The following PLXNA4 variants were observed in gnomAD, a reference collection of about 807,000 sequenced individuals.
PLXNA4 encodes plexin A4, also known as plexin-A4.
Under a neutral mutation model 191.8 loss-of-function variants are expected in PLXNA4, and 44 were observed. The ratio of observed to expected loss-of-function variants is 0.23; its 90% CI spans 0.18 to 0.29. The LOEUF (loss-of-function observed/expected upper bound fraction) is 0.29. Among genes scored for constraint, PLXNA4 ranks in the 10% least tolerant of loss-of-function variants. The pLI is 1.00. For missense variants in PLXNA4, 1,800 were observed against 2,488.8 expected, an observed-to-expected ratio of 0.72 and a Z score of 5.89; for synonymous variants, 1,082 against 1,009.5, an observed-to-expected ratio of 1.07 and a Z score of -1.36.
chr7:132,286,774 T>C (rs1464175075), intron 4 of PLXNA4, among the ~76,000 whole-genome samples: 1 of 152,106 alleles, frequency 6.6e-6, no homozygotes, highest in East Asian at 1.9e-4. Flanking sequence ...TTCCCTGGAG[T>C]GGAAGCAGAG....
chr7:132,490,116 G>A (rs1797729546), intron 2 of PLXNA4, among the ~76,000 whole-genome samples: 1 of 152,236 alleles, frequency 6.6e-6, no homozygotes, highest in Non-Finnish European at 1.5e-5. Flanking sequence ...ATGTGCCACA[G>A]CTGGTGCTTT....
rs370970966 is a variant in PLXNA4 at position 132,228,312 on chromosome 7, C to A, written c.1728+34G>T. The A allele has an allele frequency of 1.7e-5, 27 of 1,613,098 alleles. No homozygotes were observed. In the South Asian group the frequency reaches 2.5e-4, roughly 15 times the overall value. On this transcript the variant is annotated intron_variant, in intron 6 of 31. Coordinates refer to ENST00000321063, the MANE Select transcript of PLXNA4 (RefSeq NM_020911.2). ...AGTGAGGGGAGAGTTTTCCTTGCAT[C>A]CCTGGACCCCACCCCAACCCCCACG...
At chr7:132,269,158 T>G (rs1799966393) in intron 4 of PLXNA4, among the ~76,000 whole-genome samples, 1 of 152,170 alleles carries the variant, frequency 6.6e-6, no homozygotes, top group Admixed American at 6.5e-5. Context: ...CTCCTTCCCC[T>G]TCTTCCGTGT....
intron 1 of PLXNA4, among the ~76,000 whole-genome samples, chr7:132,562,832 CT>C (rs1801302114): frequency 1.3e-5 from 1 of 77,938 alleles, no homozygotes; most frequent in Non-Finnish European, 2.8e-5. Flanking sequence ...CCTCCTTCTC[CT>C]CCTCCTTCTC....
intron 3 of PLXNA4, among the ~76,000 whole-genome samples, chr7:132,333,650 C>T (rs1307878916): frequency 6.6e-6 from 1 of 152,154 alleles, no homozygotes; most frequent in African/African-American, 2.4e-5. Context: ...GTGCTTCTAC[C>T]AGAGGGCAGG....
chr7:132,551,165 G>T (rs1800543703), intron 1 of PLXNA4, among the ~76,000 whole-genome samples: 1 of 152,152 alleles, frequency 6.6e-6, no homozygotes, highest in Non-Finnish European at 1.5e-5. Flanking sequence ...GCCGAACTTG[G>T]AGACAGCGAG....
chr7:132,438,118 GT>G (rs1795547095), intron 3 of PLXNA4, among the ~76,000 whole-genome samples: 1 of 152,192 alleles, frequency 6.6e-6, no homozygotes, highest in Non-Finnish European at 1.5e-5. Flanking sequence ...ACTTACAGGT[GT>G]ATAAGCATGT....
chr7:132,517,410 C>T (rs1798984796), intron 1 of PLXNA4, among the ~76,000 whole-genome samples: 1 of 152,124 alleles, frequency 6.6e-6, no homozygotes. Context: ...GATGGTGGAG[C>T]CTCAAGATGA....
In PLXNA4 at chr7:132,518,189, T is replaced by G. The variant is rs115262678; in HGVS notation, c.-86-9410A>C. Among the ~76,000 whole-genome samples, 1,012 of 152,292 alleles carry G rather than the reference T, an allele frequency of 6.6e-3. 12 individuals are homozygous for G. The highest frequency in any genetic ancestry group is 0.023 in the African/African-American group (962 of 41,560). On this transcript the variant is annotated intron_variant, in intron 1 of 31. Transcript: ENST00000321063. ...GCTCCATTCGTCCCGGCCTTCACTG[T>G]CCCCTTGCCCCTTGTTGCTAGCTAT...
intron 2 of PLXNA4, among the ~76,000 whole-genome samples, chr7:132,637,044 G>C (rs2116886300): frequency 6.6e-6 from 1 of 152,268 alleles, no homozygotes; most frequent in East Asian, 1.9e-4. Flanking sequence ...AGAAATGCTT[G>C]GAATGACAAG....
chr7:132,469,929 T>C (rs1374359683), intron 3 of PLXNA4, among the ~76,000 whole-genome samples: 1 of 152,116 alleles, frequency 6.6e-6, no homozygotes, highest in Non-Finnish European at 1.5e-5. Flanking sequence ...TGACTCCCCT[T>C]TGGGAGAGAG....
In PLXNA4 at chr7:132,299,808, A is replaced by C. The variant is rs75505373; in HGVS notation, c.1372-1586T>G. 4.0e-3 allele frequency among the ~76,000 whole-genome samples: 616 copies of C among 152,308 alleles called. 16 individuals carry two copies. In the East Asian group the frequency reaches 0.071, roughly 18 times the overall value. ...ACTCTCTGCCACAGTGATTAAGAGA[A>C]AATAGGCTCAAGCCAATCAACGTGA... On this transcript the variant is annotated intron_variant, in intron 3 of 31. Coordinates refer to ENST00000321063, the MANE Select transcript of PLXNA4 (RefSeq NM_020911.2).
At chr7:132,408,118 T>G (rs1303392992) in intron 3 of PLXNA4, among the ~76,000 whole-genome samples, 1 of 152,064 alleles carries the variant, frequency 6.6e-6, no homozygotes, top group Admixed American at 6.6e-5. Context: ...AACTTAAATA[T>G]AAAACAGTAG....
intron 1 of PLXNA4, among the ~76,000 whole-genome samples, chr7:132,562,894 TTCTCCC>T: frequency 9.0e-6 from 1 of 111,712 alleles, no homozygotes; most frequent in Non-Finnish European, 1.8e-5. Context: ...CTCTGCCTCC[TTCTCCC>T]CCTCCTCCTC....
intron 2 of PLXNA4, among the ~76,000 whole-genome samples, chr7:132,603,710 G>A (rs1802863913): frequency 6.6e-6 from 1 of 152,186 alleles, no homozygotes; most frequent in Non-Finnish European, 1.5e-5. Flanking sequence ...TAGGACTTGG[G>A]AGTCAGATAT....
chr7:132,180,890 C>T lies in PLXNA4; in HGVS notation c.3493-158G>A, dbSNP rs999965175. Among the ~76,000 whole-genome samples the T allele has an allele frequency of 3.9e-5, 6 of 152,338 alleles. No homozygotes were observed. In the South Asian group the frequency reaches 1.0e-3, roughly 26 times the overall value. ...GCAAAAAATATTCATGGCATGACTA[C>T]CACCATTGCCTCTTCCTCCCAGTGG... On this transcript the variant is annotated intron_variant, in intron 18 of 31. Transcript: ENST00000321063.
chr7:132,446,366 C>A (rs1481062528), intron 3 of PLXNA4, among the ~76,000 whole-genome samples: 1 of 152,178 alleles, frequency 6.6e-6, no homozygotes, highest in Non-Finnish European at 1.5e-5. Flanking sequence ...AAGAGGAAGT[C>A]CAGCCCGTGT....
chr7:132,449,996 C>T (rs1248605407), intron 3 of PLXNA4, among the ~76,000 whole-genome samples: 1 of 152,230 alleles, frequency 6.6e-6, no homozygotes, highest in African/African-American at 2.4e-5. Flanking sequence ...ATGCCTCTCC[C>T]AGTCACACTG....
At chr7:132,218,131 G>A (rs901258208) in intron 9 of PLXNA4, among the ~76,000 whole-genome samples, 1 of 152,162 alleles carries the variant, frequency 6.6e-6, no homozygotes, top group African/African-American at 2.4e-5. Flanking sequence ...GCAAGCGGCA[G>A]CCCATGAGCT....
Sources: gnomAD v4.1 joint callset for allele counts (sites outside exome capture counted in the v4.1 genomes callset) on GRCh38, gnomAD v4.1.1 for gene constraint, MANE v1.5 for transcripts, NCBI Gene and HGNC (gene_info 2026-07-23, HGNC 2026-07-21) for gene names.